The following TAFA5 variants were observed in gnomAD, a reference collection of about 807,000 sequenced individuals.
TAFA5 encodes TAFA chemokine like family member 5.
In TAFA5, 6 loss-of-function variants were observed where a neutral mutation model predicts 15.3. The ratio of observed to expected loss-of-function variants is 0.39; its 90% confidence interval spans 0.21 to 0.77. The LOEUF (loss-of-function observed/expected upper bound fraction) is 0.77, where lower values mean the gene tolerates loss of function less well. Among genes scored for constraint, TAFA5 ranks in the 30% least tolerant of loss-of-function variants. The probability of loss-of-function intolerance (pLI) is 0.41; values close to 1 mark genes in which losing one functional copy is unlikely to be tolerated. For synonymous variants in TAFA5, 103 were observed against 80.7 expected, an observed-to-expected ratio of 1.28 and a Z score of -1.48; for missense variants, 161 against 193.1, an observed-to-expected ratio of 0.83 and a Z score of 0.98.
intron 3 of TAFA5, among the ~76,000 whole-genome samples, chr22:48,715,443 T>G (rs12169299): frequency 0.22 from 32,165 of 149,586 alleles, 3,839 homozygotes; most frequent in East Asian, 0.44. Context: ...AGACACAGGA[T>G]GGGGCAGGGA....
At chr22:48,661,696 A>G (rs1221726880) in intron 2 of TAFA5, among the ~76,000 whole-genome samples, 2 of 152,226 alleles carry the variant, frequency 1.3e-5, no homozygotes, top group African/African-American at 2.4e-5. Context: ...CCTCCTGGAC[A>G]GCGTCCTCCT....
chr22:48,744,297 C>T (rs371899757), intron 3 of TAFA5, among the ~76,000 whole-genome samples: 8 of 152,304 alleles, frequency 5.3e-5, no homozygotes, highest in African/African-American at 1.7e-4. Flanking sequence ...GACTCAGGCT[C>T]CAAGGTGGGG....
In TAFA5 at chr22:48,550,250, A is replaced by G. The variant is rs866997286; in HGVS notation, c.112+60546A>G. Among the ~76,000 whole-genome samples, 1 of 152,186 alleles carries G rather than the reference A, an allele frequency of 6.6e-6. No individual in the cohort carries two copies. The highest frequency in any genetic ancestry group is 2.4e-5 in the African/African-American group (1 of 41,444). On this transcript the variant is annotated intron_variant, in intron 1 of 3. Transcript: ENST00000402357. This position sits in a 1 kb window ranked among gnomAD's most constrained non-coding sequence, Gnocchi z 4.1. ...GTGCTTGGCTCCAGGGCCTGGGCAG[A>G]TGGCGCATCTGGCCGGGATAAGGTG...
At chr22:48,705,959 G>T (rs1929065190) in intron 2 of TAFA5, among the ~76,000 whole-genome samples, 1 of 152,234 alleles carries the variant, frequency 6.6e-6, no homozygotes, top group Non-Finnish European at 1.5e-5. Flanking sequence ...AGGAAAAGAG[G>T]TGACATGGAA....
chr22:48,649,523 A>G (rs1926980762), intron 2 of TAFA5, among the ~76,000 whole-genome samples: 1 of 152,124 alleles, frequency 6.6e-6, no homozygotes, highest in African/African-American at 2.4e-5. Flanking sequence ...ATCAATTTGC[A>G]TCTGTAGAAG....
intron 2 of TAFA5, among the ~76,000 whole-genome samples, chr22:48,655,210 C>T (rs1476396565): frequency 6.6e-6 from 1 of 152,182 alleles, no homozygotes; most frequent in East Asian, 1.9e-4. Flanking sequence ...CTGGAGCAAA[C>T]CGTGTCTGAA....
chr22:48,732,505 C>T (rs1216732534), intron 3 of TAFA5, among the ~76,000 whole-genome samples: 1 of 152,184 alleles, frequency 6.6e-6, no homozygotes, highest in Non-Finnish European at 1.5e-5. Context: ...ATCCACCCGC[C>T]TCAGCCTCCC....
At chr22:48,632,550 A>G (rs1352788492) in intron 1 of TAFA5, among the ~76,000 whole-genome samples, 1 of 151,326 alleles carries the variant, frequency 6.6e-6, no homozygotes, top group Non-Finnish European at 1.5e-5. Flanking sequence ...TTGCGGGGAT[A>G]CTAGGGTGAA....
Position 48,489,606 on chromosome 22 carries a change from C to G in TAFA5, c.14C>G (p.Pro5Arg), listed in dbSNP as rs760530595. The G allele has an allele frequency of 4.0e-6, 6 of 1,494,172 alleles. No homozygotes were observed. Among genetic ancestry groups the G allele is most frequent in the East Asian group, 2.9e-5 (1 of 33,986 alleles). 92.6% of individuals were successfully genotyped at this position (1,494,172 alleles called of 1,614,324 possible). The change falls in exon 1 of 4, where the codon CCC (proline) becomes CGC (arginine). Residue 5 changes from proline to arginine, a missense_variant. Transcript: ENST00000402357. This position sits in a 1 kb window ranked among gnomAD's most constrained non-coding sequence, Gnocchi z 5.5. MAPS[P>R]RTGSRQDATA... ...GCCGCGGCTTCAATGGCGCCATCGC[C>G]CAGGACCGGCAGCCGGCAAGATGCG...
intron 1 of TAFA5, among the ~76,000 whole-genome samples, chr22:48,633,185 A>G (rs889666006): frequency 6.6e-6 from 1 of 152,154 alleles, no homozygotes; most frequent in African/African-American, 2.4e-5. Flanking sequence ...AGGACTCCAG[A>G]GCCGACCTGA....
chr22:48,649,081 C>G (rs1926964926), intron 2 of TAFA5, among the ~76,000 whole-genome samples: 1 of 152,190 alleles, frequency 6.6e-6, no homozygotes, highest in Non-Finnish European at 1.5e-5. Context: ...GACCCCTAAC[C>G]CCTGAGGCCT....
At chr22:48,537,392 T>C (rs998728317) in intron 1 of TAFA5, among the ~76,000 whole-genome samples, 1 of 152,220 alleles carries the variant, frequency 6.6e-6, no homozygotes, top group Non-Finnish European at 1.5e-5. Flanking sequence ...CCATCCACTC[T>C]AGACCAGGGA....
At position 48,490,110 on chromosome 22, in the gene TAFA5, G is replaced by T. The variant is rs941468267; in HGVS notation, c.112+406G>T. Among the ~76,000 whole-genome samples, 3 of 152,070 alleles carry T rather than the reference G, an allele frequency of 2.0e-5. No individual in the cohort carries two copies. Among genetic ancestry groups the T allele is most frequent in the Non-Finnish European group, 4.4e-5 (3 of 67,982 alleles). ...GGGGTGTCTGCGGAGCGCCCTCCCCGTGCCTCAGCCCGGGACAAGGGGGGA... is the reference window on the plus strand; with the variant it reads ...GGGGTGTCTGCGGAGCGCCCTCCCCTTGCCTCAGCCCGGGACAAGGGGGGA... On this transcript the variant is annotated intron_variant, in intron 1 of 3. Transcript: ENST00000402357. The surrounding 1 kb of genome is among the most constrained non-coding windows in gnomAD (Gnocchi z 5.8).
At chr22:48,638,934 C>CAG (rs60450941) in intron 1 of TAFA5, among the ~76,000 whole-genome samples, 1 of 83,482 alleles carries the variant, frequency 1.2e-5, no homozygotes, top group Non-Finnish European at 2.4e-5. Context: ...TCACCGCACA[C>CAG]GGGGGGACCC....
At position 48,695,673 on chromosome 22, in the gene TAFA5, A is replaced by G. The variant is rs78691317; in HGVS notation, c.263-12044A>G. 5.9e-3 allele frequency among the ~76,000 whole-genome samples: 892 copies of G among 152,112 alleles called. 9 individuals carry two copies. Among genetic ancestry groups the G allele is most frequent in the African/African-American group, 0.02 (831 of 41,500 alleles). The stretch of plus-strand genomic sequence containing the variant: ...CAATTGGCTTCTCTTCATGGGTTTC[A>G]TGGGTTGTGTGGTTCTCAGGTTTGG... On this transcript the variant is annotated intron_variant, in intron 2 of 3. Transcript: ENST00000402357.
At chr22:48,537,677 T>G (rs924057081) in intron 1 of TAFA5, among the ~76,000 whole-genome samples, 2 of 152,132 alleles carry the variant, frequency 1.3e-5, no homozygotes, top group Non-Finnish European at 2.9e-5. Flanking sequence ...CAGCAGGCAC[T>G]GCAGCCAGGG....
intron 1 of TAFA5, among the ~76,000 whole-genome samples, chr22:48,604,579 C>T (rs1925090583): frequency 6.6e-6 from 1 of 152,238 alleles, no homozygotes; most frequent in South Asian, 2.1e-4. Context: ...GATCCCTCCA[C>T]TCACTGGCCT....
intron 1 of TAFA5, among the ~76,000 whole-genome samples, chr22:48,499,526 C>A (rs763003): frequency 0.069 from 10,472 of 152,242 alleles, 1,114 homozygotes; most frequent in African/African-American, 0.23. Context: ...TCTGTTCTAG[C>A]CGGCTCCCCT....
At chr22:48,692,796 A>G (rs1928582890) in intron 2 of TAFA5, among the ~76,000 whole-genome samples, 1 of 152,188 alleles carries the variant, frequency 6.6e-6, no homozygotes, top group Non-Finnish European at 1.5e-5. Context: ...GTTCCCAGGA[A>G]GGTCAGAATG....
Sources: allele counts gnomAD v4.1 joint callset (sites outside exome capture counted in the v4.1 genomes callset), GRCh38; gene constraint gnomAD v4.1.1; non-coding constraint Gnocchi (gnomAD v3.1); transcripts MANE v1.5; gene names NCBI Gene and HGNC (gene_info 2026-07-23, HGNC 2026-07-21).